Variants in SNX1 observed in about 807,000 individuals in gnomAD.
SNX1 encodes sorting nexin 1, also known as sorting nexin-1.
SNX1 carries 36 observed loss-of-function variants against 71.8 expected under a neutral mutation model. The observed-to-expected ratio is 0.50, with a 90% CI of 0.38 to 0.66. SNX1 has a LOEUF of 0.66. SNX1 is among the 30% of genes least tolerant of loss of function. The pLI is 0.00. For synonymous variants in SNX1, 254 were observed against 240.7 expected (o/e 1.06, Z -0.51); for missense variants, 612 against 646.7 (o/e 0.95, Z 0.58).
intron 2 of SNX1, 113 bp from the exon 3 acceptor site, chr15:64,118,004 C>A: frequency 1.0e-6 from 1 of 968,088 alleles, no homozygotes. Context: ...AGTCTAAGAG[C>A]CTCTATGTAT....
At chr15:64,136,041 G>T (rs536450728) in intron 12 of SNX1, among the ~76,000 whole-genome samples, 1 of 152,296 alleles carries the variant, frequency 6.6e-6, no homozygotes, top group Non-Finnish European at 1.5e-5. Context: ...AGCCCTGCTG[G>T]TGAGTACCTA....
At position 64,142,934 on chromosome 15, in the gene SNX1, A is replaced by C. The variant is rs2081429516; in HGVS notation, c.*5316A>C. 2.5e-5 allele frequency: 7 copies of C among 281,402 alleles called. No homozygotes were observed. The highest frequency in any genetic ancestry group is 2.2e-4 in the South Asian group (7 of 31,626). 17.4% of individuals were successfully genotyped at this position (281,402 alleles called of 1,614,324 possible). A position where few individuals can be genotyped will look rare whatever the true frequency, so the allele number is the denominator to read the frequency against. On this transcript the variant is annotated 3_prime_UTR_variant, in exon 15 of 15. Transcript: ENST00000559844. ...CTTTGAAGCAACTCAAGTTTTAAAA[A>C]AGGGGAGGAACTCCTGGAAATCTCA... is the stretch of plus-strand genomic sequence containing the variant.
rs1395054192 is a variant in SNX1, at chr15:64,136,261, G to C, written c.1366-69G>C. On this transcript the variant is annotated intron_variant, in intron 12 of 14. Transcript: ENST00000559844. ...TTGAGCCCTCATATGTAAAATCGCTGTCCAAATGTGAAGGCTTAATAATGG... is the reference window on the plus strand; with the variant it reads ...TTGAGCCCTCATATGTAAAATCGCTCTCCAAATGTGAAGGCTTAATAATGG... 7.1e-6 allele frequency: 9 copies of C among 1,264,828 alleles called. No homozygotes were observed. In the Admixed American group the frequency reaches 1.5e-4, roughly 21 times the overall value. 78.4% of individuals were successfully genotyped at this position (1,264,828 alleles called of 1,614,324 possible). A position where few individuals can be genotyped will look rare whatever the true frequency, so the allele number is the denominator to read the frequency against.
intron 2 of SNX1, among the ~76,000 whole-genome samples, chr15:64,113,839 A>G (rs113342820): frequency 1.9e-4 from 16 of 83,980 alleles, no homozygotes; most frequent in African/African-American, 3.1e-4. Flanking sequence ...GAAAGAAAGA[A>G]AGAGAGAGAG....
Position 64,129,890 on chromosome 15 carries a change from C to T in SNX1, c.808-26C>T, listed in dbSNP as rs2081289088. On this transcript the variant is annotated intron_variant, in intron 8 of 14. Coordinates refer to ENST00000559844, the MANE Select transcript of SNX1 (RefSeq NM_003099.5). This position sits in a 1 kb window ranked among gnomAD's most constrained non-coding sequence, Gnocchi z 4.4. Reference sequence around the variant, plus strand: ...TAAAATAGGGGCAGCAGATAACTTGCCATCCCTGCCTTCTTGGTCTTGTAG... The same window carrying T: ...TAAAATAGGGGCAGCAGATAACTTGTCATCCCTGCCTTCTTGGTCTTGTAG... 1.9e-6 allele frequency: 3 copies of T among 1,539,446 alleles called. No individual in the cohort carries two copies. Among genetic ancestry groups the T allele is most frequent in the Non-Finnish European group, 2.7e-6 (3 of 1,112,612 alleles).
At position 64,138,506 on chromosome 15, in the gene SNX1, G is replaced by A; in HGVS notation, c.*888G>A. The A allele has an allele frequency of 4.1e-6, 1 of 245,300 alleles. No homozygotes were observed. The allele number at this position is 245,300 out of a possible 1,614,324, so 15.2% of individuals were successfully genotyped here. On this transcript the variant is annotated 3_prime_UTR_variant, in exon 15 of 15. Transcript: ENST00000559844. ...TCCTCAGTAGACTGTGTGAAGGTGT[G>A]AAGGTCTGATAATGACTTGATGCTT... is the stretch of plus-strand genomic sequence containing the variant.
rs762586734 is a variant in SNX1 at position 64,129,886 on chromosome 15, C to T, written c.808-30C>T. The T allele has an allele frequency of 1.3e-5, 20 of 1,513,140 alleles. No homozygotes were observed. In the South Asian group the frequency reaches 2.1e-4, roughly 16 times the overall value. 93.7% of individuals were successfully genotyped at this position (1,513,140 alleles called of 1,614,324 possible). On this transcript the variant is annotated intron_variant, in intron 8 of 14. Transcript: ENST00000559844. The surrounding 1 kb of genome is among the most constrained non-coding windows in gnomAD (Gnocchi z 4.4). Reference sequence around the variant, plus strand: ...AACCTAAAATAGGGGCAGCAGATAACTTGCCATCCCTGCCTTCTTGGTCTT... The same window carrying T: ...AACCTAAAATAGGGGCAGCAGATAATTTGCCATCCCTGCCTTCTTGGTCTT...
chr15:64,096,365 T>G (rs991018464), intron 1 of SNX1, among the ~76,000 whole-genome samples, 193 bp downstream of exon 1: 41 of 150,764 alleles, frequency 2.7e-4, no homozygotes, highest in African/African-American at 9.5e-4. Flanking sequence ...GCGGGAAGAG[T>G]AAAGAATGAG....
Position 64,096,035 on chromosome 15 carries a change from T to C in SNX1, c.22T>C (p.Cys8Arg), listed in dbSNP as rs1046442862. The C allele has an allele frequency of 3.8e-6, 6 of 1,595,006 alleles. No homozygotes were observed. The highest frequency in any genetic ancestry group is 5.1e-6 in the Non-Finnish European group (6 of 1,174,912). Residue 8 changes from cysteine (C) to arginine (R), a missense_variant, in exon 1 of 15, where the codon TGT (cysteine) becomes CGT (arginine). Cys to Arg is a radical substitution (Grantham distance 180). This residue lies in a region of SNX1 where 316 missense variants were observed against 284.9 expected (regional missense o/e 1.11). Coordinates refer to ENST00000559844, the MANE Select transcript of SNX1 (RefSeq NM_003099.5). ...GAAGATGGCGTCGGGTGGTGGTGGC[T>C]GTAGCGCTTCGGAGAGACTGCCTCC... MASGGGG[C>R]SASERLPPPF...
Position 64,134,927 on chromosome 15 carries a change from G to A in SNX1, c.1365+120G>A, listed in dbSNP as rs1681337962. On this transcript the variant is annotated intron_variant, in intron 12 of 14. Transcript: ENST00000559844. This position sits in a 1 kb window ranked among gnomAD's most constrained non-coding sequence, Gnocchi z 4.1. ...GAAGAGCGCTGATTGAGTCTAAAGG[G>A]CCGTGGCTGCTGAGGAAGCCTCTGA... is the stretch of plus-strand genomic sequence containing the variant. 1.5e-6 allele frequency: 2 copies of A among 1,319,344 alleles called. No homozygotes were observed. The highest frequency in any genetic ancestry group is 3.0e-5 in the South Asian group (2 of 67,766). 81.7% of individuals were successfully genotyped at this position (1,319,344 alleles called of 1,614,324 possible).
At position 64,123,591 on chromosome 15, in the gene SNX1, G is replaced by A. The variant is rs376245410; in HGVS notation, c.510+45G>A. 2.0e-6 allele frequency: 3 copies of A among 1,493,348 alleles called. No homozygotes were observed. In the South Asian group the frequency reaches 3.4e-5, roughly 17 times the overall value. The allele number at this position is 1,493,348 out of a possible 1,614,324, so 92.5% of individuals were successfully genotyped here. On this transcript the variant is annotated intron_variant, in intron 5 of 14. Transcript: ENST00000559844. The stretch of plus-strand genomic sequence containing the variant: ...CTGATGACCATCTTCATAGACTTTG[G>A]TGCTTATACCAAGGTCATCATTCAG...
At chr15:64,123,367 A>T (rs1322566486) in intron 4 of SNX1, 136 bp from the exon 5 acceptor site, 3 of 740,390 alleles carry the variant, frequency 4.1e-6, no homozygotes, top group Non-Finnish European at 6.9e-6. Context: ...AAGATTGCAT[A>T]TAAAGCTTGG....
chr15:64,127,303 C>T (rs1400274372), intron 7 of SNX1, 51 bp downstream of exon 7: 2 of 1,422,344 alleles, frequency 1.4e-6, no homozygotes, highest in South Asian at 2.4e-5. Context: ...AAATGAAAAG[C>T]TGAAAAGTGA....
At position 64,137,550 on chromosome 15, in the gene SNX1, G is replaced by A; in HGVS notation, c.1519-18G>A. On this transcript the variant is annotated intron_variant, in intron 14 of 14. Transcript: ENST00000559844. The stretch of plus-strand genomic sequence containing the variant: ...CACTAGGTGGGGGCACTTGCTTAAT[G>A]TCCCCACTTCTTTGCAGCTGGCAAA... 6.2e-7 allele frequency: 1 copy of A among 1,614,052 alleles called. No individual in the cohort carries two copies. The highest frequency in any genetic ancestry group is 8.5e-7 in the Non-Finnish European group (1 of 1,179,966).
At chr15:64,121,105 C>T (rs2081192533) in intron 4 of SNX1, among the ~76,000 whole-genome samples, 3 of 152,154 alleles carry the variant, frequency 2.0e-5, no homozygotes, top group Admixed American at 6.5e-5. Context: ...TAATTTTAAG[C>T]TAGTTATTCA....
rs1358382225 is a variant in SNX1 at position 64,144,078 on chromosome 15, G to A, written c.*6460G>A. 1 of 152,164 alleles carries A rather than the reference G, an allele frequency of 6.6e-6. No individual in the cohort carries two copies. Among genetic ancestry groups the A allele is most frequent in the Non-Finnish European group, 1.5e-5 (1 of 68,040 alleles). The allele number at this position is 152,164 out of a possible 1,614,324, so 9.4% of individuals were successfully genotyped here. On this transcript the variant is annotated 3_prime_UTR_variant, in exon 15 of 15. Transcript: ENST00000559844. The surrounding 1 kb of genome is among the most constrained non-coding windows in gnomAD (Gnocchi z 4.3). ...TATATAAAACTTTATATATGGGAAG[G>A]ATGTTGATTGAATTGTTAATAACTA...
rs1347722595 is a variant in SNX1 at position 64,126,128 on chromosome 15, T to A, written c.560T>A (p.Phe187Tyr). Residue 187 changes from phenylalanine (F) to tyrosine (Y), a missense_variant, in exon 6 of 15, where the codon TTT becomes TAT. Transcript: ENST00000559844. The part of the protein sequence containing the change: ...RSKQFAVKRR[F>Y]SDFLGLYEKL... ...AAACAGTTTGCAGTAAAAAGAAGAT[T>A]TAGTGACTTTCTGGGTCTTTATGAG... 3.1e-6 allele frequency: 5 copies of A among 1,614,062 alleles called. No homozygotes were observed. The Admixed American group carries it at 6.7e-5, about 22-fold the overall frequency.
intron 10 of SNX1, 111 bp downstream of exon 10, chr15:64,130,432 C>T: frequency 2.3e-6 from 2 of 859,576 alleles, no homozygotes; most frequent in South Asian, 2.9e-5. Flanking sequence ...TTGAAATTCT[C>T]AGCCCACCTG....
intron 1 of SNX1, among the ~76,000 whole-genome samples, chr15:64,109,622 C>G (rs1427446311): frequency 6.6e-6 from 1 of 152,032 alleles, no homozygotes; most frequent in East Asian, 1.9e-4. Flanking sequence ...TTCTCCCTGC[C>G]TCAACCTCCC....
Sources: allele counts gnomAD v4.1 joint callset (sites outside exome capture counted in the v4.1 genomes callset), GRCh38; gene constraint gnomAD v4.1.1; regional missense constraint gnomAD v4.1.1; non-coding constraint Gnocchi (gnomAD v3.1); transcripts MANE v1.5; gene names NCBI Gene and HGNC (gene_info 2026-07-23, HGNC 2026-07-21).